The following CDKAL1 variants were observed in gnomAD, a reference collection of about 807,000 sequenced individuals.
The protein encoded by CDKAL1 is threonylcarbamoyladenosine tRNA methylthiotransferase.
A neutral mutation model predicts 68.2 loss-of-function variants in CDKAL1; 32 were observed. The observed-to-expected ratio is 0.47, with a 90% CI of 0.35 to 0.63. The LOEUF is 0.63. Among genes scored for constraint, CDKAL1 ranks in the 30% least tolerant of loss-of-function variants. The pLI is 0.00. For missense variants in CDKAL1, 606 were observed against 696.7 expected, an observed-to-expected ratio of 0.87 and a Z score of 1.47; for synonymous variants, 234 against 244.3, an observed-to-expected ratio of 0.96 and a Z score of 0.39.
intron 11 of CDKAL1, among the ~76,000 whole-genome samples, chr6:21,029,591 G>A (rs889800832): frequency 2.0e-5 from 3 of 152,094 alleles, no homozygotes; most frequent in African/African-American, 7.2e-5. Context: ...ATCTGGCAAA[G>A]GTGTAATATC....
intron 4 of CDKAL1, among the ~76,000 whole-genome samples, chr6:20,579,742 A>C (rs1765065961): frequency 6.6e-6 from 1 of 152,126 alleles, no homozygotes; most frequent in Admixed American, 6.5e-5. Context: ...CCCTCTCCCT[A>C]ACATGCTCCT....
chr6:21,159,794 T>A (rs1776823029), intron 13 of CDKAL1, among the ~76,000 whole-genome samples: 1 of 143,572 alleles, frequency 7.0e-6, no homozygotes, highest in Non-Finnish European at 1.5e-5. Context: ...CACCATAGGC[T>A]AGCCTTTTAA....
In CDKAL1 at chr6:20,950,148, C is replaced by T. The variant is rs77199309; in HGVS notation, c.743-5271C>T. Among the ~76,000 whole-genome samples, 21 of 152,086 alleles carry T rather than the reference C, an allele frequency of 1.4e-4. No individual in the cohort carries two copies. The East Asian group carries it at 4.1e-3, about 30-fold the overall frequency. On this transcript the variant is annotated intron_variant, in intron 9 of 15. Coordinates refer to ENST00000274695, the MANE Select transcript of CDKAL1 (RefSeq NM_017774.3). ...TTTTAGGCAGAGGAAACAGCATGGGCGTAAAGCATAGTGGCCGGAGCTATA... is the reference window on the plus strand; with the variant it reads ...TTTTAGGCAGAGGAAACAGCATGGGTGTAAAGCATAGTGGCCGGAGCTATA...
At chr6:20,766,320 T>G (rs1234295097) in intron 7 of CDKAL1, among the ~76,000 whole-genome samples, 1 of 152,202 alleles carries the variant, frequency 6.6e-6, no homozygotes, top group Non-Finnish European at 1.5e-5. Context: ...GGTGAGCTGG[T>G]GCATAGTGTT....
chr6:20,752,576 G>A (rs1773973068), intron 6 of CDKAL1, among the ~76,000 whole-genome samples: 1 of 152,018 alleles, frequency 6.6e-6, no homozygotes, highest in African/African-American at 2.4e-5. Context: ...AAAATAAAGA[G>A]TTCCTATATG....
chr6:21,085,453 G>C (rs1772639220), intron 12 of CDKAL1, among the ~76,000 whole-genome samples: 1 of 152,162 alleles, frequency 6.6e-6, no homozygotes, highest in Non-Finnish European at 1.5e-5. Flanking sequence ...CAGTACCACA[G>C]GACCGTGTGT....
intron 9 of CDKAL1, among the ~76,000 whole-genome samples, chr6:20,935,262 G>A (rs1309986227): frequency 6.6e-6 from 1 of 151,996 alleles, no homozygotes; most frequent in East Asian, 1.9e-4. Context: ...TAATAGCTTT[G>A]TAATTTATAA....
chr6:20,720,804 C>T (rs1161871147), intron 5 of CDKAL1, among the ~76,000 whole-genome samples: 7 of 152,156 alleles, frequency 4.6e-5, no homozygotes, highest in African/African-American at 1.7e-4. Context: ...GGCCTCTATT[C>T]TCTACTTCTG....
chr6:20,861,620 T>G (rs1024716286), intron 9 of CDKAL1, among the ~76,000 whole-genome samples: 9 of 152,212 alleles, frequency 5.9e-5, no homozygotes, highest in African/African-American at 2.2e-4. Flanking sequence ...CTCCCAGGAT[T>G]CATGTTCTGT....
At chr6:21,173,772 T>A (rs1415102059) in intron 13 of CDKAL1, among the ~76,000 whole-genome samples, 1 of 151,978 alleles carries the variant, frequency 6.6e-6, no homozygotes, top group Non-Finnish European at 1.5e-5. Flanking sequence ...CAAGATACCA[T>A]CAAAAATAAA....
chr6:20,737,275 C>T (rs937033043), intron 5 of CDKAL1, among the ~76,000 whole-genome samples: 3 of 152,300 alleles, frequency 2.0e-5, no homozygotes, highest in East Asian at 1.9e-4. Context: ...GTTAGCTATC[C>T]ATCTCACTGT....
At chr6:21,219,959 TGA>T (rs1432897278) in intron 15 of CDKAL1, among the ~76,000 whole-genome samples, 1 of 152,234 alleles carries the variant, frequency 6.6e-6, no homozygotes, top group Non-Finnish European at 1.5e-5. Flanking sequence ...GTTTCGGGTG[TGA>T]GAGACTATTG....
chr6:20,646,534 A>T (rs1768470519), intron 4 of CDKAL1, among the ~76,000 whole-genome samples: 1 of 151,564 alleles, frequency 6.6e-6, no homozygotes, highest in Admixed American at 6.6e-5. Flanking sequence ...TCATTATGCA[A>T]CACATGTTTT....
chr6:21,138,862 T>A (rs1291173902), intron 13 of CDKAL1, among the ~76,000 whole-genome samples: 1 of 152,220 alleles, frequency 6.6e-6, no homozygotes, highest in Non-Finnish European at 1.5e-5. Flanking sequence ...GAGAACACTG[T>A]AAAGTCCAGT....
chr6:20,983,225 A>C (rs906701854), intron 10 of CDKAL1, among the ~76,000 whole-genome samples: 5 of 152,236 alleles, frequency 3.3e-5, no homozygotes, highest in Admixed American at 3.3e-4. Flanking sequence ...TCAGTAGCAA[A>C]AGACTGCAAA....
chr6:20,796,348 G>A (rs567968597), intron 8 of CDKAL1, among the ~76,000 whole-genome samples: 2 of 152,220 alleles, frequency 1.3e-5, no homozygotes, highest in Non-Finnish European at 2.9e-5. Flanking sequence ...AATCAAAGAA[G>A]ATCTAAATAA....
chr6:20,708,214 A>G (rs575623149), intron 5 of CDKAL1, among the ~76,000 whole-genome samples: 3 of 152,296 alleles, frequency 2.0e-5, no homozygotes, highest in South Asian at 4.1e-4. Context: ...AAGTCATTTA[A>G]TTTACTTGTT....
intron 15 of CDKAL1, among the ~76,000 whole-genome samples, chr6:21,212,685 A>T (rs976721516): frequency 1.7e-4 from 26 of 152,192 alleles, no homozygotes; most frequent in African/African-American, 6.3e-4. Flanking sequence ...CATAGTTTAT[A>T]ATGTTTAAAA....
intron 9 of CDKAL1, among the ~76,000 whole-genome samples, chr6:20,885,212 C>A (rs1219497270): frequency 6.6e-6 from 1 of 152,100 alleles, no homozygotes; most frequent in Non-Finnish European, 1.5e-5. Context: ...CCCTGAGTAA[C>A]CAAAGCAGTC....
Sources: gnomAD v4.1 joint callset for allele counts (sites outside exome capture counted in the v4.1 genomes callset) on GRCh38, gnomAD v4.1.1 for gene constraint, MANE v1.5 for transcripts, NCBI Gene and HGNC (gene_info 2026-07-23, HGNC 2026-07-21) for gene names.